ANKRD42: variants seen among roughly 807,000 people sequenced by gnomAD.
ANKRD42 encodes the protein ankyrin repeat domain-containing protein 42.
In ANKRD42, 43 loss-of-function variants were observed where a neutral mutation model predicts 51.5. The ratio of observed to expected loss-of-function variants is 0.83; its 90% CI spans 0.65 to 1.08. ANKRD42 has a LOEUF of 1.08. Among genes scored for constraint, ANKRD42 ranks in the 50% least tolerant of loss-of-function variants. The pLI, the probability that ANKRD42 is intolerant of heterozygous loss-of-function variation, is 0.00. For missense variants in ANKRD42, 608 were observed against 629.3 expected, an observed-to-expected ratio of 0.97 and a Z score of 0.36; for synonymous variants, 203 against 213.0, an observed-to-expected ratio of 0.95 and a Z score of 0.41.
intron 7 of ANKRD42, among the ~76,000 whole-genome samples, chr11:83,232,741 G>A (rs540545234): frequency 6.6e-6 from 1 of 152,164 alleles, no homozygotes; most frequent in South Asian, 2.1e-4. Flanking sequence ...CTTTTATTAT[G>A]TTGAATTTGT....
chr11:83,258,622 A>G (rs1863812655), downstream of ANKRD42, among the ~76,000 whole-genome samples: 1 of 152,150 alleles, frequency 6.6e-6, no homozygotes, highest in East Asian at 1.9e-4. Context: ...GTGAGCACAT[A>G]TATGTTATTT....
downstream of ANKRD42, among the ~76,000 whole-genome samples, chr11:83,257,021 C>A (rs1300969858): frequency 6.6e-6 from 1 of 152,050 alleles, no homozygotes; most frequent in East Asian, 1.9e-4. Flanking sequence ...TAAATGTTGA[C>A]AACTGTTATT....
downstream of ANKRD42, among the ~76,000 whole-genome samples, chr11:83,257,543 A>G (rs1282939157): frequency 1.3e-5 from 2 of 152,212 alleles, no homozygotes; most frequent in Admixed American, 1.3e-4. Context: ...CATATAAAGT[A>G]GGTATATTTT....
chr11:83,235,661 T>C (rs1863202342), intron 7 of ANKRD42, among the ~76,000 whole-genome samples: 1 of 152,236 alleles, frequency 6.6e-6, no homozygotes, highest in East Asian at 1.9e-4. Context: ...CTCAAGTCTT[T>C]CTTTTAAGTC....
chr11:83,258,795 GACA>G (rs1863818714), downstream of ANKRD42, among the ~76,000 whole-genome samples: 1 of 137,582 alleles, frequency 7.3e-6, no homozygotes. Context: ...CTTCAAGTTT[GACA>G]ACATTATAAG....
At chr11:83,236,829 T>C (rs191948385) in intron 8 of ANKRD42, among the ~76,000 whole-genome samples, 127 of 152,368 alleles carry the variant, frequency 8.3e-4, no homozygotes, top group African/African-American at 3.0e-3. Context: ...TGTTCTGCAG[T>C]GCTCAGAACA....
At chr11:83,261,061 T>C (rs970240343), downstream of ANKRD42, 1 of 152,184 alleles carries the variant, frequency 6.6e-6, no homozygotes, top group African/African-American at 2.4e-5. Context: ...ACAGATTTCA[T>C]ATTAAGTGTT....
At chr11:83,221,445 C>T (rs193252019) in intron 5 of ANKRD42, among the ~76,000 whole-genome samples, 14 of 152,248 alleles carry the variant, frequency 9.2e-5, no homozygotes, top group South Asian at 2.1e-4. Flanking sequence ...TGATTTCTTA[C>T]GGATGTACAT....
At chr11:83,235,425 T>C (rs11233535) in intron 7 of ANKRD42, among the ~76,000 whole-genome samples, 6,872 of 152,336 alleles carry the variant, frequency 0.045, 205 homozygotes, top group South Asian at 0.16. Context: ...CAATCGTCTA[T>C]GTTAAAGATG....
Position 83,194,540 on chromosome 11 carries a change from G to A in ANKRD42, c.-131G>A, listed in dbSNP as rs763983804. On this transcript the variant is annotated 5_prime_UTR_variant, in exon 1 of 11. Transcript: ENST00000533342. ...TGGGAGAGAGCAAGAGAGGACCTTG[G>A]GCCCCGTCCTAGTGACGACGGAGAA... 3 of 846,364 alleles carry A rather than the reference G, an allele frequency of 3.5e-6. No homozygotes were observed. Among genetic ancestry groups the A allele is most frequent in the Middle Eastern group, 2.2e-4 (1 of 4,640 alleles). The allele number at this position is 846,364 out of a possible 1,614,324, so 52.4% of individuals were successfully genotyped here. A position where few individuals can be genotyped will look rare whatever the true frequency, so the allele number is the denominator to read the frequency against.
At chr11:83,255,953 T>A in exon 12 of ANKRD42, 1 of 1,492,408 alleles carries the variant, frequency 6.7e-7, no homozygotes, top group Non-Finnish European at 8.9e-7. Context: ...ATAACTAAAT[T>A]GACCTGCTAG....
intron 5 of ANKRD42, among the ~76,000 whole-genome samples, chr11:83,217,959 C>T (rs952116045): frequency 2.6e-5 from 4 of 152,126 alleles, no homozygotes; most frequent in Non-Finnish European, 2.9e-5. Flanking sequence ...TACAGAACAC[C>T]GAGGTTGCCA....
chr11:83,231,130 T>A (rs909184105), intron 7 of ANKRD42, among the ~76,000 whole-genome samples: 3 of 152,188 alleles, frequency 2.0e-5, no homozygotes, highest in Non-Finnish European at 4.4e-5. Flanking sequence ...TTGAGGAACC[T>A]CCAAACTGTT....
intron 5 of ANKRD42, chr11:83,213,974 T>TC (rs994465216): frequency 1.4e-4 from 22 of 152,540 alleles, no homozygotes; most frequent in African/African-American, 4.8e-4. Flanking sequence ...TGCTGCAACC[T>TC]CTGCCTCCCG....
At chr11:83,249,693 C>G (rs1159029007), downstream of ANKRD42, among the ~76,000 whole-genome samples, 1 of 152,094 alleles carries the variant, frequency 6.6e-6, no homozygotes, top group Non-Finnish European at 1.5e-5. Context: ...TCTCAAGGTC[C>G]CTGTGCTCAG....
At chr11:83,230,084 C>T (rs945881811) in intron 7 of ANKRD42, among the ~76,000 whole-genome samples, 3 of 152,224 alleles carry the variant, frequency 2.0e-5, no homozygotes, top group African/African-American at 7.2e-5. Flanking sequence ...GATAGTCTCA[C>T]TCTGTTGCCC....
chr11:83,219,811 A>G (rs533915693), intron 5 of ANKRD42, among the ~76,000 whole-genome samples: 1 of 152,306 alleles, frequency 6.6e-6, no homozygotes, highest in South Asian at 2.1e-4. Flanking sequence ...CTGTCTTTAA[A>G]TTGTCCTGAT....
intron 6 of ANKRD42, 35 bp from the exon 7 acceptor site, chr11:83,227,712 A>T: frequency 6.3e-7 from 1 of 1,583,580 alleles, no homozygotes; most frequent in African/African-American, 1.4e-5. Flanking sequence ...ATAAACTCTT[A>T]TGTTTATTGA....
intron 5 of ANKRD42, among the ~76,000 whole-genome samples, chr11:83,216,567 G>T (rs1031493734): frequency 6.6e-6 from 1 of 151,352 alleles, no homozygotes; most frequent in Admixed American, 6.6e-5. Context: ...CTCGTGGTCC[G>T]CCCGCCTCGG....
Sources: allele counts gnomAD v4.1 joint callset (sites outside exome capture counted in the v4.1 genomes callset), GRCh38; gene constraint gnomAD v4.1.1; transcripts MANE v1.5; gene names NCBI Gene and HGNC (gene_info 2026-07-23, HGNC 2026-07-21).